Variants in WRN observed in about 807,000 individuals in gnomAD.
WRN encodes WRN RecQ like helicase.
WRN carries 149 observed loss-of-function variants against 180.7 expected under a neutral mutation model. That is an observed-to-expected ratio of 0.82 (90% CI 0.72 to 0.94). The LOEUF (loss-of-function observed/expected upper bound fraction) is 0.94, where lower values mean the gene tolerates loss of function less well. Ranked by LOEUF, WRN falls within the 40% of genes least tolerant of loss-of-function variation. The probability of loss-of-function intolerance (pLI) is 0.00; values close to 1 mark genes in which losing one functional copy is unlikely to be tolerated. For missense variants in WRN, 1,661 were observed against 1,700.1 expected (o/e 0.98, Z 0.40); for synonymous variants, 548 against 568.9 (o/e 0.96, Z 0.52).
At chr8:31,163,029 G>A (rs530383904) in intron 33 of WRN, among the ~76,000 whole-genome samples, 31 of 152,328 alleles carry the variant, frequency 2.0e-4, no homozygotes, top group Non-Finnish European at 3.2e-4. Context: ...AAGAAAGAAT[G>A]TTCCCCAAAA....
At chr8:31,152,615 G>C (rs374898950) in intron 31 of WRN, among the ~76,000 whole-genome samples, 1 of 151,956 alleles carries the variant, frequency 6.6e-6, no homozygotes, top group African/African-American at 2.4e-5. Flanking sequence ...ACAAAAGTTG[G>C]CAAAGCTTAC....
At chr8:31,067,282 C>T (rs1585412121) in intron 6 of WRN, 100 bp downstream of exon 6, 2 of 1,337,482 alleles carry the variant, frequency 1.5e-6, no homozygotes, top group Non-Finnish European at 2.1e-6. Flanking sequence ...GAAACTCTAC[C>T]AAAATATTTT....
intron 9 of WRN, among the ~76,000 whole-genome samples, chr8:31,082,128 T>TG (rs1813341378): frequency 1.3e-5 from 2 of 152,212 alleles, no homozygotes; most frequent in South Asian, 4.1e-4. Context: ...CTTGACACTA[T>TG]AGTTTTACTG....
chr8:31,073,027 G>A (rs902596136), intron 7 of WRN, among the ~76,000 whole-genome samples: 1 of 152,196 alleles, frequency 6.6e-6, no homozygotes, highest in Non-Finnish European at 1.5e-5. Context: ...ATCACGTAGG[G>A]CCTCGTAGGC....
At chr8:31,164,163 C>T (rs1226003625) in intron 33 of WRN, among the ~76,000 whole-genome samples, 2 of 152,034 alleles carry the variant, frequency 1.3e-5, no homozygotes, top group Non-Finnish European at 2.9e-5. Context: ...TGATAGTACA[C>T]TCATAATCAT....
chr8:31,169,344 A>G (rs1047116857), intron 34 of WRN, among the ~76,000 whole-genome samples: 7 of 151,516 alleles, frequency 4.6e-5, no homozygotes, highest in Admixed American at 2.0e-4. Context: ...TTTTATTTAT[A>G]TATACATATT....
At chr8:31,093,948 ATTG>A (rs1358717875) in intron 16 of WRN, among the ~76,000 whole-genome samples, 16 of 152,254 alleles carry the variant, frequency 1.1e-4, no homozygotes, top group African/African-American at 3.9e-4. Flanking sequence ...CATTCCTCTT[ATTG>A]TTAAGTGGAT....
intron 14 of WRN, 80 bp downstream of exon 14, chr8:31,090,612 C>G (rs1813710361): frequency 2.1e-6 from 3 of 1,400,228 alleles, no homozygotes; most frequent in Non-Finnish European, 3.0e-6. Flanking sequence ...TTTCATTAAA[C>G]TCTCAAAATA....
intron 1 of WRN, among the ~76,000 whole-genome samples, chr8:31,039,394 G>C (rs1811564170): frequency 6.6e-6 from 1 of 151,632 alleles, no homozygotes; most frequent in East Asian, 1.9e-4. Context: ...AACAACAGCT[G>C]ATATTTCAAC....
intron 22 of WRN, 85 bp from the exon 23 acceptor site, chr8:31,124,823 G>T: frequency 3.7e-6 from 5 of 1,350,374 alleles, no homozygotes; most frequent in Non-Finnish European, 5.2e-6. Context: ...TCAATTAATG[G>T]TGATTTTACC....
intron 24 of WRN, among the ~76,000 whole-genome samples, chr8:31,138,690 C>G (rs1416701652): frequency 6.6e-6 from 1 of 152,142 alleles, no homozygotes; most frequent in Non-Finnish European, 1.5e-5. Context: ...TTGTTCTGAT[C>G]ATATTTTAAT....
intron 18 of WRN, among the ~76,000 whole-genome samples, chr8:31,109,346 C>G (rs1801216997): frequency 6.6e-6 from 1 of 152,136 alleles, no homozygotes; most frequent in Admixed American, 6.5e-5. Flanking sequence ...AAGCAACATT[C>G]TTAGCTATAT....
At chr8:31,085,313 T>C in intron 11 of WRN, 67 bp downstream of exon 11, 2 of 1,562,952 alleles carry the variant, frequency 1.3e-6, no homozygotes, top group Non-Finnish European at 1.8e-6. Flanking sequence ...AAGTAAAATA[T>C]TAACTAATTC....
intron 21 of WRN, among the ~76,000 whole-genome samples, chr8:31,121,068 C>G (rs1443807297): frequency 6.6e-6 from 1 of 151,960 alleles, no homozygotes; most frequent in Non-Finnish European, 1.5e-5. Context: ...TTTGTTGGCA[C>G]TTAAGTTCTA....
intron 27 of WRN, among the ~76,000 whole-genome samples, chr8:31,143,077 A>T (rs1350110505): frequency 1.4e-5 from 2 of 140,850 alleles, no homozygotes; most frequent in African/African-American, 2.7e-5. Context: ...TCTCTCTCAC[A>T]CACACACACA....
At chr8:31,117,178 G>A (rs1801556241) in intron 20 of WRN, among the ~76,000 whole-genome samples, 1 of 152,126 alleles carries the variant, frequency 6.6e-6, no homozygotes, top group Non-Finnish European at 1.5e-5. Context: ...TTCTGTAATA[G>A]GTAAAACGGA....
At position 31,154,663 on chromosome 8, in the gene WRN, A is replaced by C. The variant is rs2130470007; in HGVS notation, c.3727A>C (p.Lys1243Gln). The stretch of plus-strand genomic sequence containing the variant: ...AAGTACAAAACCTCAAGAAGAACAG[A>C]AGACGAGTCTGGTAGCAAAAAATAA... ...FSSTKPQEEQ[K>Q]TSLVAKNKIC... is the part of the protein sequence containing the mutation. Residue 1243 changes from lysine to glutamine, a missense_variant, in exon 32 of 35, where the codon AAG (lysine) becomes CAG (glutamine). Transcript: ENST00000298139. 1.2e-6 allele frequency: 2 copies of C among 1,613,608 alleles called. No individual in the cohort carries two copies. The highest frequency in any genetic ancestry group is 3.3e-4 in the Middle Eastern group (2 of 6,052).
intron 28 of WRN, 97 bp from the exon 29 acceptor site, chr8:31,146,956 A>G (rs1159841552): frequency 1.0e-6 from 1 of 1,004,218 alleles, no homozygotes; most frequent in African/African-American, 1.6e-5. Context: ...AAATGTTTGT[A>G]CTGATTTGGA....
rs763566601 is a variant in WRN, at chr8:31,036,260, A to G, written c.-77+2287A>G. Among the ~76,000 whole-genome samples, 55 of 152,134 alleles carry G rather than the reference A, an allele frequency of 3.6e-4. 1 individual carries two copies. Among genetic ancestry groups the G allele is most frequent in the Admixed American group, 1.4e-3 (22 of 15,272 alleles). On this transcript the variant is annotated intron_variant, in intron 1 of 34. Transcript: ENST00000298139. ...TATATCACATTTTCTTTATCCACTC[A>G]TCTGTTGATGGACAGTTAGCTTGAT...
Sources: gnomAD v4.1 joint callset for allele counts (sites outside exome capture counted in the v4.1 genomes callset) on GRCh38, gnomAD v4.1.1 for gene constraint, MANE v1.5 for transcripts, NCBI Gene and HGNC (gene_info 2026-07-23, HGNC 2026-07-21) for gene names.